SLC13A1: variants seen among roughly 807,000 people sequenced by gnomAD.
The protein encoded by SLC13A1 is Na(+)/sulfate cotransporter.
Under a neutral mutation model 70.0 loss-of-function variants are expected in SLC13A1, and 65 were observed. That is an observed-to-expected ratio of 0.93 (90% confidence interval 0.76 to 1.14). The LOEUF is 1.14. Among genes scored for constraint, SLC13A1 ranks in the 50% most tolerant of loss-of-function variants. SLC13A1 has a pLI of 0.00. For synonymous variants in SLC13A1, 275 were observed against 250.5 expected, an observed-to-expected ratio of 1.10 and a Z score of -0.92; for missense variants, 726 against 717.8, an observed-to-expected ratio of 1.01 and a Z score of -0.13.
In SLC13A1 at chr7:123,199,912, C is replaced by T. The variant is rs773673398; in HGVS notation, c.35G>A (p.Arg12Gln). 7.4e-6 allele frequency: 12 copies of T among 1,612,884 alleles called. No individual in the cohort carries two copies. The highest frequency in any genetic ancestry group is 4.5e-5 in the East Asian group (2 of 44,846). The change falls in exon 1 of 15, where the codon CGA becomes CAA. Residue 12 changes from arginine (R) to glutamine (Q), a missense_variant. Physicochemically the swap from Arg to Gln is conservative, Grantham distance 43. Transcript: ENST00000194130. ...KFFSYILVYRRFLFVVFTVLV... is the reference protein window; with the variant it reads ...KFFSYILVYRQFLFVVFTVLV... ...CACAGTGAAAACCACGAAGAGAAATCGGCGATAAACCAGAATGTAACTGAA... is the reference window on the plus strand; with the variant it reads ...CACAGTGAAAACCACGAAGAGAAATTGGCGATAAACCAGAATGTAACTGAA...
rs1288230734 is a variant in SLC13A1 at position 123,143,125 on chromosome 7, C to T, written c.812+4034G>A. 3.3e-5 allele frequency among the ~76,000 whole-genome samples: 5 copies of T among 152,164 alleles called. No homozygotes were observed. In the East Asian group the frequency reaches 5.8e-4, roughly 18 times the overall value. ...TCCTCTCCACTCTTCCCTCTCCTCT[C>T]GTCTCCTCTCCTCGAGCAGTAGGAA... On this transcript the variant is annotated intron_variant, in intron 7 of 14. Transcript: ENST00000194130.
At chr7:123,164,406 TTTAA>T (rs1317938712) in intron 6 of SLC13A1, among the ~76,000 whole-genome samples, 2 of 151,946 alleles carry the variant, frequency 1.3e-5, no homozygotes, top group Non-Finnish European at 2.9e-5. Flanking sequence ...CTTAGATTAA[TTTAA>T]TTATATTAGT....
At chr7:123,180,841 C>G in intron 2 of SLC13A1, 132 bp downstream of exon 2, 1 of 858,096 alleles carries the variant, frequency 1.2e-6, no homozygotes, top group African/African-American at 1.7e-5. Flanking sequence ...AGAGGAGAAA[C>G]AGTTGGAAGT....
At position 123,125,656 on chromosome 7, in the gene SLC13A1, C is replaced by G; in HGVS notation, c.1153G>C (p.Asp385His). 1 of 1,612,556 alleles carries G rather than the reference C, an allele frequency of 6.2e-7. No individual in the cohort carries two copies. Residue 385 changes from aspartate to histidine, a missense_variant, in exon 11 of 15, where the codon GAT becomes CAT. Transcript: ENST00000194130. ...LFSEYPGFAT[D>H]STVALLIGLL... ...CCTATAAGTAAAGCAACAGTTGAAT[C>G]TGTAGCAAAACCAGGGTACCTGTAA...
In SLC13A1 at chr7:123,169,200, G is replaced by T. The variant is rs1475677727; in HGVS notation, c.501C>A (p.Ala167=). 6.2e-7 allele frequency: 1 copy of T among 1,614,034 alleles called. No homozygotes were observed. Residue 167 remains alanine (A), a synonymous_variant, in exon 4 of 15, where the codon GCC becomes GCA. Transcript: ENST00000194130. ...ATCCGTTGAAGTAAGTCATCTGAGT[G>T]GCCTCGACCTCTGCTTCTGCATTGA... ...QIINAEAEVE[A]TQMTYFNGST... is the part of the protein sequence containing the mutation.
chr7:123,178,492 T>G (rs939407359), intron 2 of SLC13A1, among the ~76,000 whole-genome samples: 1 of 152,170 alleles, frequency 6.6e-6, no homozygotes, highest in African/African-American at 2.4e-5. Context: ...TATCATTGTT[T>G]AACATACATT....
intron 6 of SLC13A1, among the ~76,000 whole-genome samples, chr7:123,166,924 C>G (rs909332729): frequency 2.0e-5 from 3 of 152,124 alleles, no homozygotes; most frequent in African/African-American, 7.2e-5. Context: ...ATTTCTGCAT[C>G]CAAAAGGCAC....
At chr7:123,195,776 G>A (rs1304236447) in intron 1 of SLC13A1, among the ~76,000 whole-genome samples, 2 of 151,966 alleles carry the variant, frequency 1.3e-5, no homozygotes, top group South Asian at 2.1e-4. Context: ...ATTTGGTATC[G>A]GTTTTACAAC....
At chr7:123,149,651 T>C in intron 6 of SLC13A1, 1 of 456,232 alleles carries the variant, frequency 2.2e-6, no homozygotes, top group Non-Finnish European at 4.4e-6. Context: ...AATACCTAAG[T>C]GTGTGCTTGA....
chr7:123,145,618 T>C (rs1403469780), intron 7 of SLC13A1, among the ~76,000 whole-genome samples: 1 of 152,188 alleles, frequency 6.6e-6, no homozygotes, highest in Non-Finnish European at 1.5e-5. Context: ...AGGGGATACA[T>C]TGGATAAATC....
At chr7:123,116,841 G>A (rs1353429790) in intron 14 of SLC13A1, among the ~76,000 whole-genome samples, 2 of 152,140 alleles carry the variant, frequency 1.3e-5, no homozygotes, top group Non-Finnish European at 2.9e-5. Flanking sequence ...GGAAATTGGT[G>A]ATGAAGATTT....
At chr7:123,195,008 T>A (rs190325176) in intron 1 of SLC13A1, among the ~76,000 whole-genome samples, 1 of 152,266 alleles carries the variant, frequency 6.6e-6, no homozygotes, top group Admixed American at 6.5e-5. Flanking sequence ...CTTTTGCCAT[T>A]AATATTTGTC....
At chr7:123,173,210 A>C (rs1795331123) in intron 2 of SLC13A1, among the ~76,000 whole-genome samples, 1 of 152,180 alleles carries the variant, frequency 6.6e-6, no homozygotes, top group Non-Finnish European at 1.5e-5. Context: ...TAATTTTGCT[A>C]TATTAAATTA....
intron 7 of SLC13A1, among the ~76,000 whole-genome samples, chr7:123,143,317 T>G (rs1377988703): frequency 2.0e-5 from 3 of 152,108 alleles, no homozygotes; most frequent in Non-Finnish European, 4.4e-5. Flanking sequence ...GGAGTTGTAG[T>G]TTTTGTGCCC....
intron 8 of SLC13A1, among the ~76,000 whole-genome samples, chr7:123,130,105 T>G (rs924145309): frequency 6.6e-6 from 1 of 152,100 alleles, no homozygotes. Context: ...AAACTCGAGT[T>G]TTACACTAGT....
At chr7:123,199,796 G>C in intron 1 of SLC13A1, 52 bp downstream of exon 1, 1 of 1,335,934 alleles carries the variant, frequency 7.5e-7, no homozygotes, top group Non-Finnish European at 1.1e-6. Flanking sequence ...TTTAATAAAG[G>C]ACAATTAAAT....
In SLC13A1 at chr7:123,169,278, G is replaced by A. The variant is rs1279852652; in HGVS notation, c.423C>T (p.Thr141=). The A allele has an allele frequency of 6.2e-7, 1 of 1,613,874 alleles. No homozygotes were observed. Among genetic ancestry groups the A allele is most frequent in the East Asian group, 2.2e-5 (1 of 44,856 alleles). ...TGGGCATCACCATGGCAGCCGTCGA[G>A]GTGTTGCTGAGCCACATAGACAAAA... ...TAFLSMWLSN[T]STAAMVMPIA... is the part of the protein sequence containing the mutation. The change falls in exon 4 of 15, where the codon ACC becomes ACT. Residue 141 remains threonine, a synonymous_variant. Coordinates refer to ENST00000194130, the MANE Select transcript of SLC13A1 (RefSeq NM_022444.4).
Position 123,163,110 on chromosome 7 carries a change from T to A in SLC13A1, c.660+5264A>T, listed in dbSNP as rs183365379. 4.6e-5 allele frequency among the ~76,000 whole-genome samples: 7 copies of A among 152,198 alleles called. No homozygotes were observed. The East Asian group carries it at 1.4e-3, about 29-fold the overall frequency. ...ACTAGCAACTTTATTCCTTCTTTGGTATCTACAAATGGATTTTCGGATACC... is the reference window on the plus strand; with the variant it reads ...ACTAGCAACTTTATTCCTTCTTTGGAATCTACAAATGGATTTTCGGATACC... On this transcript the variant is annotated intron_variant, in intron 6 of 14. Coordinates refer to ENST00000194130, the MANE Select transcript of SLC13A1 (RefSeq NM_022444.4).
intron 13 of SLC13A1, among the ~76,000 whole-genome samples, chr7:123,118,809 C>A (rs1035932158): frequency 6.6e-6 from 1 of 152,066 alleles, no homozygotes; most frequent in Non-Finnish European, 1.5e-5. Context: ...TCTAGTCTGA[C>A]CCTCTCTCTT....
Sources: allele counts gnomAD v4.1 joint callset (sites outside exome capture counted in the v4.1 genomes callset), GRCh38; gene constraint gnomAD v4.1.1; transcripts MANE v1.5; gene names NCBI Gene and HGNC (gene_info 2026-07-23, HGNC 2026-07-21).